Variants in SPMIP10 observed in about 807,000 individuals in gnomAD.
SPMIP10 encodes sperm-associated microtubule inner protein 10.
chr5:126,632,258 T>TTA, the SPMIP10 span, among the ~76,000 whole-genome samples: 69 of 57,190 alleles, frequency 1.2e-3, no homozygotes, highest in Admixed American at 2.3e-3. Context: ...TCCATCTCAT[T>TTA]AAAAAAAAAA....
chr5:126,633,616 T>G, the SPMIP10 span, among the ~76,000 whole-genome samples: 1 of 152,128 alleles, frequency 6.6e-6, no homozygotes, highest in Non-Finnish European at 1.5e-5. Context: ...TGCCTCGGCC[T>G]TCCAAAATTC....
At chr5:126,631,954 T>C in the SPMIP10 span, 5 of 619,660 alleles carry the variant, frequency 8.1e-6, no homozygotes, top group Admixed American at 8.9e-5. Flanking sequence ...GGGAAATATG[T>C]GTGCAGGGAA....
At chr5:126,633,241 A>T in the SPMIP10 span, among the ~76,000 whole-genome samples, 1 of 152,120 alleles carries the variant, frequency 6.6e-6, no homozygotes, top group Admixed American at 6.6e-5. Flanking sequence ...TACACTACAA[A>T]GCATATATTT....
the SPMIP10 span, chr5:126,631,732 G>A: frequency 6.2e-7 from 1 of 1,603,144 alleles, no homozygotes; most frequent in South Asian, 1.1e-5. Flanking sequence ...ATTGCTGTCA[G>A]GAATGGCTTC....
the SPMIP10 span, chr5:126,636,170 C>A: frequency 6.2e-7 from 1 of 1,614,114 alleles, no homozygotes; most frequent in Admixed American, 1.7e-5. Flanking sequence ...TGCAGATATG[C>A]CTTTGCATTC....
At chr5:126,634,612 G>A in the SPMIP10 span, among the ~76,000 whole-genome samples, 1 of 152,120 alleles carries the variant, frequency 6.6e-6, no homozygotes, top group South Asian at 2.1e-4. Context: ...AATCAGTAAA[G>A]AAAAACTTTG....
the SPMIP10 span, chr5:126,635,956 C>T: frequency 2.4e-6 from 3 of 1,258,564 alleles, no homozygotes; most frequent in South Asian, 2.6e-5. Context: ...GCCATGGCTC[C>T]TGATGAAACT....
chr5:126,635,844 T>G, the SPMIP10 span, among the ~76,000 whole-genome samples: 1 of 151,724 alleles, frequency 6.6e-6, no homozygotes, highest in Non-Finnish European at 1.5e-5. Flanking sequence ...TTATTTTTTG[T>G]ATAGATGGGG....
the SPMIP10 span, among the ~76,000 whole-genome samples, chr5:126,632,059 G>A: frequency 4.8e-4 from 73 of 151,756 alleles, no homozygotes; most frequent in African/African-American, 1.7e-3. Context: ...TTAGGCAGTC[G>A]GTAGGCCTGA....
At chr5:126,635,171 A>AATATATATATATATATATATATATATAT in the SPMIP10 span, among the ~76,000 whole-genome samples, 3 of 140,200 alleles carry the variant, frequency 2.1e-5, no homozygotes, top group African/African-American at 5.2e-5. Flanking sequence ...CCGTCTGTGA[A>AATATATATATATATATATATATATATAT]ATATATATAT....
chr5:126,635,989 A>G, the SPMIP10 span: 2 of 1,485,536 alleles, frequency 1.3e-6, no homozygotes, highest in Non-Finnish European at 1.9e-6. Context: ...TAACAAGAAA[A>G]TGATGTTTGA....
the SPMIP10 span, chr5:126,636,214 C>T: frequency 6.2e-7 from 1 of 1,614,008 alleles, no homozygotes; most frequent in South Asian, 1.1e-5. Flanking sequence ...CTGTGATTTC[C>T]CATGGCTTCA....
chr5:126,633,963 T>G, the SPMIP10 span, among the ~76,000 whole-genome samples: 1 of 152,112 alleles, frequency 6.6e-6, no homozygotes. Context: ...CCGGCTCCAG[T>G]CAGTAGTTTT....
At chr5:126,631,917 T>C in the SPMIP10 span, 3 of 761,768 alleles carry the variant, frequency 3.9e-6, no homozygotes, top group Non-Finnish European at 6.8e-6. Context: ...CCCTTTGGCA[T>C]CTATACAGAA....
chr5:126,634,347 G>A, the SPMIP10 span, among the ~76,000 whole-genome samples: 19 of 152,246 alleles, frequency 1.2e-4, no homozygotes, highest in South Asian at 3.7e-3. Flanking sequence ...CAGGAGAATC[G>A]CTTGAATCCG....
the SPMIP10 span, among the ~76,000 whole-genome samples, chr5:126,632,265 A>G: frequency 9.0e-6 from 1 of 111,006 alleles, no homozygotes; most frequent in Non-Finnish European, 1.8e-5. Context: ...CATTAAAAAA[A>G]AAAAAAAAAA....
chr5:126,633,320 C>A, the SPMIP10 span, among the ~76,000 whole-genome samples: 1 of 151,906 alleles, frequency 6.6e-6, no homozygotes, highest in Non-Finnish European at 1.5e-5. Context: ...CATGATTTAC[C>A]CATTCAATGC....
chr5:126,634,013 C>G, the SPMIP10 span, among the ~76,000 whole-genome samples: 1 of 152,176 alleles, frequency 6.6e-6, no homozygotes, highest in Non-Finnish European at 1.5e-5. Flanking sequence ...ATGCCGCAGC[C>G]ACTGTAGAAG....
chr5:126,633,024 T>TATATATAA, the SPMIP10 span, among the ~76,000 whole-genome samples: 9 of 138,888 alleles, frequency 6.5e-5, no homozygotes, highest in African/African-American at 2.8e-4. Flanking sequence ...TATATATATA[T>TATATATAA]ATATATATAA....
Sources: allele counts gnomAD v4.1 joint callset (sites outside exome capture counted in the v4.1 genomes callset), GRCh38; gene constraint gnomAD v4.1.1; transcripts MANE v1.5; gene names NCBI Gene and HGNC (gene_info 2026-07-23, HGNC 2026-07-21).